The following TMEM62 variants were observed in gnomAD, a reference collection of about 807,000 sequenced individuals.
The protein encoded by TMEM62 is transmembrane protein 62.
Under a neutral mutation model 70.4 loss-of-function variants are expected in TMEM62, and 41 were observed. The ratio of observed to expected loss-of-function variants is 0.58; its 90% CI spans 0.45 to 0.76. TMEM62 has a LOEUF of 0.76. Ranked by LOEUF, TMEM62 falls within the 30% of genes least tolerant of loss-of-function variation. The pLI is 0.00. For missense variants in TMEM62, 688 were observed against 788.5 expected, an observed-to-expected ratio of 0.87 and a Z score of 1.53; for synonymous variants, 268 against 291.0, an observed-to-expected ratio of 0.92 and a Z score of 0.80.
chr15:43,148,683 T>C, intron 5 of TMEM62, 72 bp from the exon 6 acceptor site: 12 of 1,539,692 alleles, frequency 7.8e-6, no homozygotes, highest in Non-Finnish European at 1.1e-5. Context: ...TCAGAGGAGT[T>C]TTCTAATCTG....
chr15:43,140,636 G>C (rs756663007), intron 4 of TMEM62, among the ~76,000 whole-genome samples: 1 of 152,146 alleles, frequency 6.6e-6, no homozygotes, highest in Non-Finnish European at 1.5e-5. Flanking sequence ...CACTAGATTT[G>C]TACCTCTTTT....
chr15:43,162,013 C>T (rs1485011507), intron 10 of TMEM62, among the ~76,000 whole-genome samples: 1 of 151,892 alleles, frequency 6.6e-6, no homozygotes, highest in Non-Finnish European at 1.5e-5. Flanking sequence ...TACTATTATA[C>T]CTTTATTCTC....
intron 13 of TMEM62, among the ~76,000 whole-genome samples, chr15:43,182,895 A>C (rs2041490147): frequency 6.6e-6 from 1 of 152,196 alleles, no homozygotes; most frequent in South Asian, 2.1e-4. Context: ...GTACACTAAT[A>C]ATGGATTTTA....
intron 11 of TMEM62, among the ~76,000 whole-genome samples, chr15:43,176,527 G>A (rs1472685805): frequency 6.6e-6 from 1 of 152,164 alleles, no homozygotes. Flanking sequence ...CGCGGTTCAC[G>A]AAAATCCGCT....
At chr15:43,166,341 C>A (rs2039411020) in intron 10 of TMEM62, among the ~76,000 whole-genome samples, 2 of 152,098 alleles carry the variant, frequency 1.3e-5, no homozygotes, top group Non-Finnish European at 2.9e-5. Context: ...ACCATAACCC[C>A]AAATCTCTAA....
chr15:43,169,349 G>A (rs1486547498), intron 10 of TMEM62, among the ~76,000 whole-genome samples: 1 of 152,162 alleles, frequency 6.6e-6, no homozygotes, highest in Non-Finnish European at 1.5e-5. Flanking sequence ...TCACTCTAGA[G>A]CTGTTTTAGG....
At chr15:43,152,718 T>C (rs984992951) in intron 8 of TMEM62, among the ~76,000 whole-genome samples, 25 of 152,162 alleles carry the variant, frequency 1.6e-4, no homozygotes, top group African/African-American at 5.3e-4. Flanking sequence ...TATAGATTAA[T>C]AGAATCCAAA....
intron 12 of TMEM62, chr15:43,179,897 T>A (rs1427736148): frequency 6.6e-6 from 1 of 152,214 alleles, no homozygotes. Context: ...TTTTGACGCT[T>A]GTCTTACACA....
In TMEM62 at chr15:43,184,629, C is replaced by A. The variant is rs575371851; in HGVS notation, c.*43C>A. The A allele has an allele frequency of 3.2e-6, 5 of 1,571,390 alleles. No homozygotes were observed. In the African/African-American group the frequency reaches 6.8e-5, roughly 21 times the overall value. On this transcript the variant is annotated 3_prime_UTR_variant, in exon 14 of 14. Coordinates refer to ENST00000260403, the MANE Select transcript of TMEM62 (RefSeq NM_024956.4). ...TGGCAGCTGGGCAGAAGCCCAGCCT[C>A]TGTGTCTGTAGCCCAGGCCTCTACC...
Position 43,133,924 on chromosome 15 carries a change from C to G in TMEM62, c.122C>G (p.Pro41Arg), listed in dbSNP as rs1204176288. The G allele has an allele frequency of 4.0e-6, 6 of 1,492,288 alleles. No individual in the cohort carries two copies. Among genetic ancestry groups the G allele is most frequent in the Middle Eastern group, 2.4e-4 (1 of 4,216 alleles). The allele number at this position is 1,492,288 out of a possible 1,614,324, so 92.4% of individuals were successfully genotyped here. A position where few individuals can be genotyped will look rare whatever the true frequency, so the allele number is the denominator to read the frequency against. Reference protein sequence around the residue: ...QPSPLPRPAPPRRPHPAPGPG... With the variant: ...QPSPLPRPAPRRRPHPAPGPG... ...TCGCCGCTGCCGCGCCCCGCGCCCC[C>G]CAGGAGGCCGCACCCTGCGCCAGGG... is the stretch of plus-strand genomic sequence containing the variant. Residue 41 changes from proline to arginine, a missense_variant, in exon 1 of 14, where the codon CCC becomes CGC. Transcript: ENST00000260403.
rs1304999298 is a variant in TMEM62 at position 43,133,618 on chromosome 15, C to T, written c.-185C>T. 5.1e-6 allele frequency: 2 copies of T among 393,554 alleles called. No homozygotes were observed. Among genetic ancestry groups the T allele is most frequent in the African/African-American group, 2.1e-5 (1 of 48,082 alleles). The allele number at this position is 393,554 out of a possible 1,614,324, so 24.4% of individuals were successfully genotyped here. On this transcript the variant is annotated 5_prime_UTR_variant, in exon 1 of 14. Coordinates refer to ENST00000260403, the MANE Select transcript of TMEM62 (RefSeq NM_024956.4). ...CGGCCAGAGAGGGGCAGGTGCTGGGCGGCGGCTGACGGGCGCAGCACCCTA... is the reference window on the plus strand; with the variant it reads ...CGGCCAGAGAGGGGCAGGTGCTGGGTGGCGGCTGACGGGCGCAGCACCCTA...
intron 9 of TMEM62, 114 bp downstream of exon 9, chr15:43,154,945 G>A: frequency 1.0e-6 from 1 of 991,244 alleles, no homozygotes; most frequent in Non-Finnish European, 1.4e-6. Context: ...AAAAAACTGG[G>A]GGCCGGGCAT....
rs142074355 is a variant in TMEM62 at position 43,154,768 on chromosome 15, C to T, written c.1119C>T (p.Phe373=). The change falls in exon 9 of 14, where the codon TTC becomes TTT. Residue 373 remains phenylalanine (F), a synonymous_variant. Coordinates refer to ENST00000260403, the MANE Select transcript of TMEM62 (RefSeq NM_024956.4). The stretch of plus-strand genomic sequence containing the variant: ...CTGTTCATGTGTCTGGTCCCATTTT[C>T]GTACTGAAGTGGAATCCTAGAAACT... ...GQAVHVSGPI[F]VLKWNPRNYS... The T allele has an allele frequency of 4.2e-5, 67 of 1,613,940 alleles. No individual in the cohort carries two copies. Among genetic ancestry groups the T allele is most frequent in the South Asian group, 5.5e-5 (5 of 91,056 alleles).
At position 43,133,974 on chromosome 15, in the gene TMEM62, G is replaced by C; in HGVS notation, c.172G>C (p.Gly58Arg). 1 of 1,447,836 alleles carries C rather than the reference G, an allele frequency of 6.9e-7. No homozygotes were observed. Among genetic ancestry groups the C allele is most frequent in the Non-Finnish European group, 9.0e-7 (1 of 1,106,582 alleles). The allele number at this position is 1,447,836 out of a possible 1,614,324, so 89.7% of individuals were successfully genotyped here. The change falls in exon 1 of 14, where the codon GGC becomes CGC. Residue 58 changes from glycine (G) to arginine (R), a missense_variant. Physicochemically the swap from Gly to Arg is moderately radical, Grantham distance 125. Coordinates refer to ENST00000260403, the MANE Select transcript of TMEM62 (RefSeq NM_024956.4). The part of the protein sequence containing the change: ...PGPGDSNIFW[G>R]LQISDIHLSR... ...GCCCGGAGACAGCAACATCTTCTGG[G>C]GCCTGCAGGTGACGCGGCGGGAAGC...
chr15:43,165,389 C>A (rs530756550), intron 10 of TMEM62, among the ~76,000 whole-genome samples: 3 of 152,190 alleles, frequency 2.0e-5, no homozygotes, highest in Non-Finnish European at 4.4e-5. Flanking sequence ...CTTTCAGCTT[C>A]AGAATTTCTG....
At position 43,178,636 on chromosome 15, in the gene TMEM62, T is replaced by C; in HGVS notation, c.1411T>C (p.Phe471Leu). The change falls in exon 12 of 14, where the codon TTT (phenylalanine) becomes CTT (leucine). Residue 471 changes from phenylalanine to leucine, a missense_variant. Transcript: ENST00000260403. ...TTCAGGGTTTATAAATCTGACCTCA[T>C]TTTCTCTTCATGTCTTGAGCAAAAT... ...EPSGFINLTS[F>L]SLHVLSKINI... is the part of the protein sequence containing the mutation. 1 of 1,612,696 alleles carries C rather than the reference T, an allele frequency of 6.2e-7. No individual in the cohort carries two copies. Among genetic ancestry groups the C allele is most frequent in the Non-Finnish European group, 8.5e-7 (1 of 1,178,958 alleles).
At chr15:43,166,534 A>C (rs2039429789) in intron 10 of TMEM62, among the ~76,000 whole-genome samples, 1 of 151,212 alleles carries the variant, frequency 6.6e-6, no homozygotes, top group South Asian at 2.1e-4. Context: ...ATATTTCACC[A>C]ACTTGTTCTC....
At chr15:43,150,457 T>G (rs2037229015) in intron 7 of TMEM62, among the ~76,000 whole-genome samples, 1 of 152,188 alleles carries the variant, frequency 6.6e-6, no homozygotes, top group African/African-American at 2.4e-5. Context: ...ATTTGGAGCG[T>G]ACTCCAGATA....
In TMEM62 at chr15:43,142,164, C is replaced by CT. The variant is rs56110605; in HGVS notation, c.476+3564dup. Among the ~76,000 whole-genome samples, 603 of 83,546 alleles carry CT rather than the reference C, an allele frequency of 7.2e-3. 10 individuals are homozygous for CT. Among genetic ancestry groups the CT allele is most frequent in the African/African-American group, 0.026 (576 of 22,172 alleles). 54.8% of individuals were successfully genotyped at this position (83,546 alleles called of 152,430 possible). The stretch of plus-strand genomic sequence containing the variant: ...CAGCATTGCATGCTATAGAGAAATT[C>CT]TTTTTTTTTTTTTTTTTTTGAGATG... On this transcript the variant is annotated intron_variant, in intron 4 of 13. Coordinates refer to ENST00000260403, the MANE Select transcript of TMEM62 (RefSeq NM_024956.4).
Sources: allele counts gnomAD v4.1 joint callset (sites outside exome capture counted in the v4.1 genomes callset), GRCh38; gene constraint gnomAD v4.1.1; transcripts MANE v1.5; gene names NCBI Gene and HGNC (gene_info 2026-07-23, HGNC 2026-07-21).